The following BNC2 variants were observed in gnomAD, a reference collection of about 807,000 sequenced individuals.
The protein encoded by BNC2 is basonuclin zinc finger protein 2.
A neutral mutation model predicts 76.3 loss-of-function variants in BNC2; 20 were observed. That is an observed-to-expected ratio of 0.26 (90% CI 0.18 to 0.38). BNC2 has a LOEUF of 0.38. Ranked by LOEUF, BNC2 falls within the 10% of genes least tolerant of loss-of-function variation. The pLI is 1.00. For synonymous variants in BNC2, 582 were observed against 514.8 expected, an observed-to-expected ratio of 1.13 and a Z score of -1.77; for missense variants, 1,382 against 1,399.8, an observed-to-expected ratio of 0.99 and a Z score of 0.20.
At chr9:16,692,091 G>C (rs200210510) in intron 3 of BNC2, among the ~76,000 whole-genome samples, 1 of 151,918 alleles carries the variant, frequency 6.6e-6, no homozygotes, top group Non-Finnish European at 1.5e-5. Flanking sequence ...GATTACAGGC[G>C]TGAGCCACTG....
intron 3 of BNC2, among the ~76,000 whole-genome samples, chr9:16,716,355 G>A (rs1468013106): frequency 6.6e-6 from 1 of 152,030 alleles, no homozygotes; most frequent in African/African-American, 2.4e-5. Context: ...ATTATTATGG[G>A]TTCAAATGAC....
chr9:16,850,528 G>A (rs1189955696), intron 1 of BNC2, among the ~76,000 whole-genome samples: 1 of 152,118 alleles, frequency 6.6e-6, no homozygotes. Flanking sequence ...AATACTTCTA[G>A]GGCCAACTTG....
intron 5 of BNC2, among the ~76,000 whole-genome samples, chr9:16,455,773 CA>C (rs1250859356): frequency 4.2e-5 from 6 of 141,328 alleles, no homozygotes; most frequent in Admixed American, 2.9e-4. Context: ...GCCTGGGAGA[CA>C]AGAGCAAAAC....
intron 1 of BNC2, among the ~76,000 whole-genome samples, chr9:16,758,089 C>G (rs1286140078): frequency 6.6e-6 from 1 of 152,162 alleles, no homozygotes; most frequent in Non-Finnish European, 1.5e-5. Context: ...AAAGCAGAAT[C>G]TGCTTCCTTG....
rs370920867 is a variant in BNC2 at position 16,672,473 on chromosome 9, G to T, written c.330+55324C>A. Among the ~76,000 whole-genome samples the T allele has an allele frequency of 7.9e-5, 12 of 152,080 alleles. No individual in the cohort carries two copies. In the South Asian group the frequency reaches 2.5e-3, roughly 32 times the overall value. On this transcript the variant is annotated intron_variant, in intron 3 of 6. Coordinates refer to ENST00000380672, the MANE Select transcript of BNC2 (RefSeq NM_017637.6). Reference sequence around the variant, plus strand: ...GATCGTGCCACTGCACTCCAGCCTGGGCGACAGAGCAAGATCCATCTCAAA... The same window carrying T: ...GATCGTGCCACTGCACTCCAGCCTGTGCGACAGAGCAAGATCCATCTCAAA...
At chr9:16,426,375 G>A (rs1188742219) in intron 6 of BNC2, among the ~76,000 whole-genome samples, 6 of 146,858 alleles carry the variant, frequency 4.1e-5, no homozygotes, top group African/African-American at 7.6e-5. Context: ...ATGTTGGCCA[G>A]GCTGGTCTTG....
At chr9:16,552,902 C>T (rs1361083742) in intron 4 of BNC2, 137 bp from the exon 5 acceptor site, 1 of 676,260 alleles carries the variant, frequency 1.5e-6, no homozygotes, top group African/African-American at 1.8e-5. Flanking sequence ...GGTGTTTAAG[C>T]AAGATCTTGC....
intron 1 of BNC2, among the ~76,000 whole-genome samples, chr9:16,853,685 G>A (rs768572012): frequency 1.3e-5 from 2 of 152,060 alleles, no homozygotes; most frequent in African/African-American, 2.4e-5. Flanking sequence ...TGGCCAACAT[G>A]GTGAAACCCT....
At chr9:16,431,699 G>C (rs1228458058) in intron 6 of BNC2, among the ~76,000 whole-genome samples, 1 of 152,122 alleles carries the variant, frequency 6.6e-6, no homozygotes, top group African/African-American at 2.4e-5. Context: ...AACCTTTTTG[G>C]CACCAGGGAC....
At chr9:16,562,590 A>G (rs1819048912) in intron 4 of BNC2, among the ~76,000 whole-genome samples, 2 of 152,236 alleles carry the variant, frequency 1.3e-5, no homozygotes, top group South Asian at 4.1e-4. Flanking sequence ...AATACCTTCT[A>G]CATACTGCTA....
At chr9:16,790,056 G>A in intron 1 of BNC2, among the ~76,000 whole-genome samples, 1 of 152,184 alleles carries the variant, frequency 6.6e-6, no homozygotes, top group Non-Finnish European at 1.5e-5. Context: ...CTGGAGTGCA[G>A]TGGCGCGATC....
chr9:16,719,165 T>A (rs142914914), intron 3 of BNC2, among the ~76,000 whole-genome samples: 48 of 152,278 alleles, frequency 3.2e-4, no homozygotes, highest in Middle Eastern at 3.4e-3. Context: ...ATATGCTCAG[T>A]GTATAATTAC....
intron 5 of BNC2, among the ~76,000 whole-genome samples, chr9:16,540,843 T>C (rs1818298451): frequency 1.3e-5 from 2 of 152,162 alleles, no homozygotes; most frequent in Non-Finnish European, 2.9e-5. Context: ...GAAAGATCAG[T>C]GCTGCAAGGG....
At chr9:16,623,850 T>C (rs576355898) in intron 3 of BNC2, among the ~76,000 whole-genome samples, 2 of 152,284 alleles carry the variant, frequency 1.3e-5, no homozygotes, top group South Asian at 4.1e-4. Flanking sequence ...AAGCAGAAGG[T>C]AGGAAATAAT....
At chr9:16,492,331 C>A (rs953839027) in intron 5 of BNC2, among the ~76,000 whole-genome samples, 2 of 152,120 alleles carry the variant, frequency 1.3e-5, no homozygotes, top group African/African-American at 4.8e-5. Context: ...TGTAAGAAGT[C>A]AGAACTTTAA....
At position 16,738,473 on chromosome 9, in the gene BNC2, G is replaced by A; in HGVS notation, c.16C>T (p.Pro6Ser). The change falls in exon 2 of 7, where the codon CCC (proline) becomes TCC (serine). Residue 6 changes from proline to serine, a missense_variant. This residue lies in a region of BNC2 where 557 missense variants were observed against 540.9 expected (regional missense o/e 1.03). Coordinates refer to ENST00000380672, the MANE Select transcript of BNC2 (RefSeq NM_017637.6). Reference sequence around the variant, plus strand: ...TTAAGGCTATGTGGAGGTGGGGTGGGCCCAAGGTGTGCCTATTGAGAGATT... The same window carrying A: ...TTAAGGCTATGTGGAGGTGGGGTGGACCCAAGGTGTGCCTATTGAGAGATT... MAHLG[P>S]TPPPHSLNYK... The A allele has an allele frequency of 2.5e-6, 4 of 1,614,024 alleles. No homozygotes were observed. Among genetic ancestry groups the A allele is most frequent in the Non-Finnish European group, 3.4e-6 (4 of 1,179,960 alleles).
intron 3 of BNC2, among the ~76,000 whole-genome samples, chr9:16,627,607 C>G (rs935779564): frequency 6.6e-6 from 1 of 152,140 alleles, no homozygotes; most frequent in East Asian, 1.9e-4. Context: ...TCCAGCCATA[C>G]AATTTGAGTC....
chr9:16,447,809 A>C (rs943171398), intron 5 of BNC2, among the ~76,000 whole-genome samples: 18 of 151,930 alleles, frequency 1.2e-4, no homozygotes, highest in African/African-American at 3.9e-4. Flanking sequence ...GTTATATATC[A>C]AAAAAACTAT....
chr9:16,740,317 T>C (rs768953282), intron 1 of BNC2, among the ~76,000 whole-genome samples: 11 of 151,946 alleles, frequency 7.2e-5, no homozygotes, highest in Non-Finnish European at 1.5e-4. Context: ...GGATGGAAAA[T>C]GGGGAAAGGC....
Sources: allele counts gnomAD v4.1 joint callset (sites outside exome capture counted in the v4.1 genomes callset), GRCh38; gene constraint gnomAD v4.1.1; regional missense constraint gnomAD v4.1.1; transcripts MANE v1.5; gene names NCBI Gene and HGNC (gene_info 2026-07-23, HGNC 2026-07-21).